SHROOM3: variants seen among roughly 807,000 people sequenced by gnomAD.
SHROOM3 encodes the protein shroom family member 3.
SHROOM3 carries 47 observed loss-of-function variants against 138.6 expected under a neutral mutation model. The observed-to-expected ratio is 0.34, with a 90% CI of 0.27 to 0.43. The LOEUF (loss-of-function observed/expected upper bound fraction) is 0.43, where lower values mean the gene tolerates loss of function less well. Ranked by LOEUF, SHROOM3 falls within the 20% of genes least tolerant of loss-of-function variation. The pLI is 1.00. For missense variants in SHROOM3, 2,491 were observed against 2,596.5 expected (o/e 0.96, Z 0.88); for synonymous variants, 1,062 against 1,063.3 (o/e 1.00, Z 0.02).
intron 1 of SHROOM3, among the ~76,000 whole-genome samples, chr4:76,523,551 T>C (rs1732614424): frequency 6.6e-6 from 1 of 152,198 alleles, no homozygotes; most frequent in Non-Finnish European, 1.5e-5. Flanking sequence ...AAGTTTGAAA[T>C]ATTTCCAAAT....
At chr4:76,746,352 C>T (rs1721433521) in intron 5 of SHROOM3, among the ~76,000 whole-genome samples, 1 of 152,180 alleles carries the variant, frequency 6.6e-6, no homozygotes, top group South Asian at 2.1e-4. Context: ...TAATACCATA[C>T]TTTTACTGTA....
intron 1 of SHROOM3, among the ~76,000 whole-genome samples, chr4:76,513,843 G>A (rs936083368): frequency 6.6e-6 from 1 of 152,048 alleles, no homozygotes; most frequent in Non-Finnish European, 1.5e-5. Flanking sequence ...TTCTTATCCG[G>A]GTCAGACATT....
chr4:76,459,811 G>A (rs1731104619), intron 1 of SHROOM3, among the ~76,000 whole-genome samples: 1 of 152,128 alleles, frequency 6.6e-6, no homozygotes, highest in Non-Finnish European at 1.5e-5. Context: ...GAGAAGCAGC[G>A]AGAGTGGCAC....
chr4:76,592,123 A>G lies in SHROOM3; in HGVS notation c.323+36360A>G, dbSNP rs557889739. Among the ~76,000 whole-genome samples the G allele has an allele frequency of 9.9e-5, 15 of 152,278 alleles. No individual in the cohort carries two copies. The South Asian group carries it at 2.9e-3, about 29-fold the overall frequency. On this transcript the variant is annotated intron_variant, in intron 2 of 10. Coordinates refer to ENST00000296043, the MANE Select transcript of SHROOM3 (RefSeq NM_020859.4). Reference sequence around the variant, plus strand: ...TTTAAAAGAAAACTTGAAAGAGGGGAAAAAATGAGCCTTGAAGGTTACCTA... The same window carrying G: ...TTTAAAAGAAAACTTGAAAGAGGGGGAAAAATGAGCCTTGAAGGTTACCTA...
Position 76,739,340 on chromosome 4 carries a change from T to A in SHROOM3, c.1167T>A (p.Ser389Arg), listed in dbSNP as rs201389959. Reference protein sequence around the residue: ...KVGAPLPPARSDSYAAFRHRE... With the variant: ...KVGAPLPPARRDSYAAFRHRE... The stretch of plus-strand genomic sequence containing the variant: ...GTGCACCCCTGCCTCCAGCTCGGAG[T>A]GACAGTTACGCAGCATTTCGGCACC... Residue 389 changes from serine (S) to arginine (R), a missense_variant, in exon 5 of 11, where the codon AGT (serine) becomes AGA (arginine). Ser to Arg is a moderately radical substitution (Grantham distance 110). Coordinates refer to ENST00000296043, the MANE Select transcript of SHROOM3 (RefSeq NM_020859.4). The A allele has an allele frequency of 1.4e-4, 231 of 1,613,684 alleles. 1 individual carries two copies. Among genetic ancestry groups the A allele is most frequent in the Admixed American group, 1.1e-3 (65 of 59,970 alleles).
chr4:76,490,368 C>A (rs1222528905), intron 1 of SHROOM3, among the ~76,000 whole-genome samples: 3 of 152,130 alleles, frequency 2.0e-5, no homozygotes, highest in Non-Finnish European at 4.4e-5. Flanking sequence ...ATCTGACATG[C>A]AGAAAAGGCA....
intron 2 of SHROOM3, among the ~76,000 whole-genome samples, chr4:76,582,535 T>TGCAGTTC (rs1188969118): frequency 2.0e-5 from 3 of 152,202 alleles, no homozygotes; most frequent in Non-Finnish European, 4.4e-5. Context: ...AAATCAAGGC[T>TGCAGTTC]ATTCATCTTG....
In SHROOM3 at chr4:76,756,868, T is replaced by G; in HGVS notation, c.5129T>G (p.Leu1710Arg). 1 of 1,614,050 alleles carries G rather than the reference T, an allele frequency of 6.2e-7. No homozygotes were observed. Among genetic ancestry groups the G allele is most frequent in the Non-Finnish European group, 8.5e-7 (1 of 1,180,010 alleles). Reference protein sequence around the residue: ...EGLFPRDVNLLKENSVKRKAI... With the variant: ...EGLFPRDVNLRKENSVKRKAI... ...TTGTTTCCCCGAGATGTGAACTTGC[T>G]GAAGGAAAACAGTGTAAAGAGGAAG... Residue 1710 changes from leucine (L) to arginine (R), a missense_variant, in exon 8 of 11, where the codon CTG (leucine) becomes CGG (arginine). Leu to Arg is a moderately radical substitution (Grantham distance 102). Around this residue, in one of 4 missense-constraint regions of SHROOM3, gnomAD observed 470 missense variants for 595.0 expected, o/e 0.79. Coordinates refer to ENST00000296043, the MANE Select transcript of SHROOM3 (RefSeq NM_020859.4).
intron 2 of SHROOM3, among the ~76,000 whole-genome samples, chr4:76,641,095 G>A (rs376956416): frequency 3.9e-5 from 6 of 152,142 alleles, no homozygotes; most frequent in African/African-American, 9.7e-5. Context: ...CTGTTGTACC[G>A]AAAGTACAAT....
intron 2 of SHROOM3, among the ~76,000 whole-genome samples, chr4:76,607,756 T>A (rs996638592): frequency 1.3e-5 from 2 of 152,078 alleles, no homozygotes; most frequent in African/African-American, 4.8e-5. Flanking sequence ...TCAAAATAAG[T>A]CACCACGTGG....
intron 1 of SHROOM3, among the ~76,000 whole-genome samples, chr4:76,443,635 C>T (rs1730743670): frequency 6.6e-6 from 1 of 152,174 alleles, no homozygotes. Context: ...CTCAATGAAA[C>T]AAAATGAGGC....
In SHROOM3 at chr4:76,710,225, C is replaced by T; in HGVS notation, c.393C>T (p.Thr131=). 2 of 1,614,146 alleles carry T rather than the reference C, an allele frequency of 1.2e-6. No individual in the cohort carries two copies. Among genetic ancestry groups the T allele is most frequent in the African/African-American group, 1.3e-5 (1 of 75,038 alleles). Residue 131 remains threonine, a synonymous_variant, in exon 3 of 11, where the codon ACC becomes ACT. Transcript: ENST00000296043. ...ACTTCGTCAGCCCAGAACACCTCAC[C>T]TCTGGCCCCCAGCACAGGAAAGCAG... ...ASNFVSPEHL[T]SGPQHRKAAW... is the part of the protein sequence containing the mutation.
chr4:76,668,766 G>C (rs1461876602), intron 2 of SHROOM3, among the ~76,000 whole-genome samples: 1 of 152,198 alleles, frequency 6.6e-6, no homozygotes, highest in Admixed American at 6.5e-5. Context: ...TACAATTGAT[G>C]TGTTCCAACA....
chr4:76,748,931 T>A, intron 5 of SHROOM3, 86 bp from the exon 6 acceptor site: 2 of 1,315,932 alleles, frequency 1.5e-6, no homozygotes, highest in Non-Finnish European at 2.2e-6. Flanking sequence ...TAAATAGGTG[T>A]TCCTTCTCCT....
chr4:76,586,267 T>C lies in SHROOM3; in HGVS notation c.323+30504T>C, dbSNP rs558763661. On this transcript the variant is annotated intron_variant, in intron 2 of 10. Transcript: ENST00000296043. ...GTTCCCAGCGGAGGTGCGTCTGTGGTGTCAGACACCTGTGTCTCAGCTCTG... is the reference window on the plus strand; with the variant it reads ...GTTCCCAGCGGAGGTGCGTCTGTGGCGTCAGACACCTGTGTCTCAGCTCTG... 6.1e-6 allele frequency: 6 copies of C among 985,650 alleles called. No homozygotes were observed. In the East Asian group the frequency reaches 4.5e-4, roughly 75 times the overall value. The allele number at this position is 985,650 out of a possible 1,614,324, so 61.1% of individuals were successfully genotyped here.
At chr4:76,623,321 G>A (rs764927046) in intron 2 of SHROOM3, among the ~76,000 whole-genome samples, 31 of 152,290 alleles carry the variant, frequency 2.0e-4, no homozygotes, top group South Asian at 2.1e-4. Flanking sequence ...AAGAATGTCT[G>A]GTGTCACTTG....
At chr4:76,440,856 G>T (rs1730653992) in intron 1 of SHROOM3, among the ~76,000 whole-genome samples, 1 of 151,876 alleles carries the variant, frequency 6.6e-6, no homozygotes, top group African/African-American at 2.4e-5. Context: ...TATAAATCTT[G>T]CTGGTTCCAT....
intron 1 of SHROOM3, among the ~76,000 whole-genome samples, chr4:76,449,188 T>C (rs1286746441): frequency 6.6e-6 from 1 of 152,206 alleles, no homozygotes; most frequent in Non-Finnish European, 1.5e-5. Context: ...GGTTAAGGGT[T>C]AAGGAAAATG....
intron 3 of SHROOM3, among the ~76,000 whole-genome samples, chr4:76,711,373 T>C (rs978600876): frequency 1.3e-5 from 2 of 152,348 alleles, no homozygotes; most frequent in Middle Eastern, 3.4e-3. Context: ...ACAAATGTTA[T>C]CATAGTAACC....
Sources: allele counts gnomAD v4.1 joint callset (sites outside exome capture counted in the v4.1 genomes callset), GRCh38; gene constraint gnomAD v4.1.1; regional missense constraint gnomAD v4.1.1; transcripts MANE v1.5; gene names NCBI Gene and HGNC (gene_info 2026-07-23, HGNC 2026-07-21).